The following RBPMS variants were observed in gnomAD, a reference collection of about 807,000 sequenced individuals.
RBPMS encodes RNA binding protein, mRNA processing factor.
RBPMS carries 7 observed loss-of-function variants against 26.8 expected under a neutral mutation model. The ratio of observed to expected loss-of-function variants is 0.26; its 90% CI spans 0.15 to 0.49. The LOEUF (loss-of-function observed/expected upper bound fraction) is 0.49. RBPMS is among the 20% of genes least tolerant of loss of function. The probability of loss-of-function intolerance (pLI) is 0.98; values close to 1 mark genes in which losing one functional copy is unlikely to be tolerated. For synonymous variants in RBPMS, 96 were observed against 93.3 expected (o/e 1.03, Z -0.17); for missense variants, 186 against 250.0 (o/e 0.74, Z 1.73).
chr8:30,549,431 T>G, intron 6 of RBPMS: 1 of 1,370,880 alleles, frequency 7.3e-7, no homozygotes, highest in Non-Finnish European at 1.0e-6. Flanking sequence ...GCCCAAGGCC[T>G]TCCATTGTTT....
At chr8:30,549,772 T>TTCTCTCTCTCTCTCTCTCTC (rs1181705539) in intron 6 of RBPMS, among the ~76,000 whole-genome samples, 10 of 71,224 alleles carry the variant, frequency 1.4e-4, no homozygotes, top group African/African-American at 6.0e-4. Flanking sequence ...TTTTCTTTTC[T>TTCTCTCTCTCTCTCTCTCTC]TCTCTCTCTC....
At chr8:30,570,146 A>AAAC (rs1197757376) in intron 8 of RBPMS, among the ~76,000 whole-genome samples, 1 of 152,242 alleles carries the variant, frequency 6.6e-6, no homozygotes, top group Admixed American at 6.5e-5. Flanking sequence ...GGACTTTTTA[A>AAAC]AACACATTTT....
intron 6 of RBPMS, among the ~76,000 whole-genome samples, chr8:30,557,096 A>G (rs1451158940): frequency 2.0e-5 from 3 of 152,086 alleles, no homozygotes; most frequent in African/African-American, 7.2e-5. Context: ...TTTCCCTGAT[A>G]CTGGGGACCC....
At chr8:30,547,404 A>G (rs1825959348) in intron 6 of RBPMS, 2 of 1,602,100 alleles carry the variant, frequency 1.2e-6, no homozygotes, top group Admixed American at 1.8e-5. Context: ...GCAGACCAGC[A>G]GAGGGAGCTC....
intron 1 of RBPMS, among the ~76,000 whole-genome samples, chr8:30,469,539 A>G (rs1239998276): frequency 1.3e-5 from 2 of 152,258 alleles, no homozygotes; most frequent in Non-Finnish European, 2.9e-5. Context: ...AGGTACATCT[A>G]CAAATCTTTT....
chr8:30,409,445 G>A (rs918849225), intron 1 of RBPMS, among the ~76,000 whole-genome samples: 55 of 151,834 alleles, frequency 3.6e-4, no homozygotes, highest in Non-Finnish European at 7.5e-4. Context: ...TGCCTGCCTC[G>A]GCCTCCCAAA....
rs557502953 is a variant in RBPMS at position 30,545,463 on chromosome 8, A to C, written c.528+839A>C. ...AAGATTGATGACCAGTAACAAATAG[A>C]AAGTACGTACGTAGGTTTCATTTGT... is the stretch of plus-strand genomic sequence containing the variant. On this transcript the variant is annotated intron_variant, in intron 6 of 8. Transcript: ENST00000397323. 2.5e-3 allele frequency: 2,556 copies of C among 1,004,618 alleles called. 29 individuals carry two copies. In the South Asian group the frequency reaches 0.032, roughly 12 times the overall value. 62.2% of individuals were successfully genotyped at this position (1,004,618 alleles called of 1,614,324 possible).
At chr8:30,409,558 CT>C (rs1809044844) in intron 1 of RBPMS, among the ~76,000 whole-genome samples, 1 of 152,212 alleles carries the variant, frequency 6.6e-6, no homozygotes, top group South Asian at 2.1e-4. Context: ...ATCCTTTGGG[CT>C]TTCCCCCAAT....
chr8:30,556,575 A>G (rs1462471342), intron 6 of RBPMS: 2 of 985,176 alleles, frequency 2.0e-6, no homozygotes, highest in South Asian at 4.7e-5. Context: ...GCCCCAACCC[A>G]CACCCAGGCC....
intron 1 of RBPMS, chr8:30,446,814 T>C (rs1421982498): frequency 4.3e-5 from 4 of 93,238 alleles, no homozygotes; most frequent in African/African-American, 1.7e-4. Flanking sequence ...TGTGTGTGTG[T>C]GTGTGTGTGT....
At position 30,543,906 on chromosome 8, in the gene RBPMS, C is replaced by A. The variant is rs145956574; in HGVS notation, c.398-588C>A. Among the ~76,000 whole-genome samples, 858 of 152,320 alleles carry A rather than the reference C, an allele frequency of 5.6e-3. 8 individuals are homozygous for A. Among genetic ancestry groups the A allele is most frequent in the African/African-American group, 0.019 (806 of 41,578 alleles). On this transcript the variant is annotated intron_variant, in intron 5 of 8. Coordinates refer to ENST00000397323, the MANE Select transcript of RBPMS (RefSeq NM_001008710.3). ...TAATCAGGATTCTCAAGGTTTTTCA[C>A]TTCAATTCTCTGAATTTTTAAGATC...
intron 1 of RBPMS, among the ~76,000 whole-genome samples, chr8:30,425,055 AAGCAGTCCTCCC>A (rs1325513757): frequency 6.6e-6 from 1 of 151,952 alleles, no homozygotes; most frequent in African/African-American, 2.4e-5. Flanking sequence ...TCCCAGACTC[AAGCAGTCCTCCC>A]ACCTCAGCCT....
intron 4 of RBPMS, among the ~76,000 whole-genome samples, chr8:30,497,608 TTGTTG>T (rs1343685315): frequency 2.6e-5 from 4 of 151,530 alleles, no homozygotes; most frequent in Admixed American, 1.3e-4. Context: ...GTTTTTTTTG[TTGTTG>T]TTTTGTTTTG....
At chr8:30,498,686 G>A (rs146217348) in intron 4 of RBPMS, among the ~76,000 whole-genome samples, 2 of 152,114 alleles carry the variant, frequency 1.3e-5, no homozygotes, top group Admixed American at 6.5e-5. Context: ...TAGTGGTATC[G>A]GTTAGCAATT....
chr8:30,423,840 T>C (rs1811077030), intron 1 of RBPMS, among the ~76,000 whole-genome samples: 3 of 148,652 alleles, frequency 2.0e-5, no homozygotes, highest in South Asian at 4.3e-4. Flanking sequence ...TTTGTTGTTG[T>C]TGTTTTGTTT....
At chr8:30,524,565 C>A (rs1823386292) in intron 5 of RBPMS, among the ~76,000 whole-genome samples, 1 of 152,042 alleles carries the variant, frequency 6.6e-6, no homozygotes, top group South Asian at 2.1e-4. Flanking sequence ...AGGTTATTAC[C>A]CCTCTTCATT....
intron 5 of RBPMS, among the ~76,000 whole-genome samples, chr8:30,508,998 T>C (rs1440983713): frequency 6.6e-6 from 1 of 152,146 alleles, no homozygotes; most frequent in African/African-American, 2.4e-5. Context: ...GCTCCAGAAC[T>C]CTGCAGTAAT....
At chr8:30,565,638 C>G (rs1827837830) in intron 7 of RBPMS, 1 of 152,216 alleles carries the variant, frequency 6.6e-6, no homozygotes, top group South Asian at 2.1e-4. Flanking sequence ...TTCTCAGACC[C>G]TAGGGTACAA....
At chr8:30,459,806 T>TA (rs1815684488) in intron 1 of RBPMS, among the ~76,000 whole-genome samples, 1 of 152,202 alleles carries the variant, frequency 6.6e-6, no homozygotes, top group South Asian at 2.1e-4. Flanking sequence ...CAATAAACTT[T>TA]AAAAAATATT....
Sources: gnomAD v4.1 joint callset for allele counts (sites outside exome capture counted in the v4.1 genomes callset) on GRCh38, gnomAD v4.1.1 for gene constraint, MANE v1.5 for transcripts, NCBI Gene and HGNC (gene_info 2026-07-23, HGNC 2026-07-21) for gene names.